Variants in MCPH1 observed in about 807,000 individuals in gnomAD.
MCPH1 encodes microcephalin.
A neutral mutation model predicts 84.5 loss-of-function variants in MCPH1; 104 were observed. That is an observed-to-expected ratio of 1.23 (90% CI 1.05 to 1.45). MCPH1 has a LOEUF of 1.45. Among genes scored for constraint, MCPH1 ranks in the 40% most tolerant of loss-of-function variants. The pLI, the probability that MCPH1 is intolerant of heterozygous loss-of-function variation, is 0.00. For missense variants in MCPH1, 1,498 were observed against 1,005.7 expected, an observed-to-expected ratio of 1.49 and a Z score of -6.62; for synonymous variants, 514 against 366.8, an observed-to-expected ratio of 1.40 and a Z score of -4.58.
chr8:6,478,321 A>G (rs1018067656), intron 10 of MCPH1, among the ~76,000 whole-genome samples: 8 of 152,018 alleles, frequency 5.3e-5, no homozygotes, highest in Non-Finnish European at 1.5e-5. Flanking sequence ...ATCAAACACC[A>G]TACATTATAT....
At chr8:6,523,355 G>A (rs1283333074) in intron 12 of MCPH1, among the ~76,000 whole-genome samples, 1 of 152,082 alleles carries the variant, frequency 6.6e-6, no homozygotes, top group Non-Finnish European at 1.5e-5. Flanking sequence ...TAAGTCCTAA[G>A]ATACTTTATT....
At chr8:6,525,906 A>G (rs903199497) in intron 12 of MCPH1, among the ~76,000 whole-genome samples, 2 of 152,230 alleles carry the variant, frequency 1.3e-5, no homozygotes, top group Non-Finnish European at 2.9e-5. Flanking sequence ...GGGGAACATA[A>G]TTGACCCAAA....
At chr8:6,428,943 C>T (rs562011917) in intron 3 of MCPH1, among the ~76,000 whole-genome samples, 219 of 152,278 alleles carry the variant, frequency 1.4e-3, no homozygotes, top group African/African-American at 4.9e-3. Context: ...ATTGCTGTTT[C>T]GGTTTTTCAG....
chr8:6,435,800 G>A (rs984726297), intron 4 of MCPH1, among the ~76,000 whole-genome samples: 12 of 152,112 alleles, frequency 7.9e-5, no homozygotes, highest in Non-Finnish European at 1.6e-4. Flanking sequence ...AAGAATGCTA[G>A]GATCATGAAA....
intron 2 of MCPH1, 120 bp downstream of exon 2, chr8:6,409,490 G>T (rs969134800): frequency 5.0e-6 from 4 of 793,278 alleles, no homozygotes; most frequent in South Asian, 2.9e-5. Context: ...ATGGGTAAGC[G>T]GTGGGAGAAA....
At chr8:6,421,611 C>A (rs1183928109) in intron 3 of MCPH1, among the ~76,000 whole-genome samples, 1 of 152,058 alleles carries the variant, frequency 6.6e-6, no homozygotes, top group Non-Finnish European at 1.5e-5. Context: ...ATTTTAGTAT[C>A]CATAAATACC....
At chr8:6,611,098 A>G (rs895627661) in intron 12 of MCPH1, among the ~76,000 whole-genome samples, 2 of 147,810 alleles carry the variant, frequency 1.4e-5, no homozygotes, top group Non-Finnish European at 3.0e-5. Context: ...TGCTACACAC[A>G]CACATACACA....
At position 6,444,810 on chromosome 8, in the gene MCPH1, C is replaced by G. The variant is rs371315221; in HGVS notation, c.1088C>G (p.Ser363Cys). 1.4e-5 allele frequency: 23 copies of G among 1,613,970 alleles called. No homozygotes were observed. The highest frequency in any genetic ancestry group is 5.0e-5 in the Admixed American group (3 of 59,990). The change falls in exon 8 of 14, where the codon TCC becomes TGC. Residue 363 changes from serine to cysteine, a missense_variant. By Grantham distance (112) the Ser-to-Cys change is moderately radical (BLOSUM62 -1). Coordinates refer to ENST00000344683, the MANE Select transcript of MCPH1 (RefSeq NM_024596.5). ...AAGAGAAAAAGAGTATCACATGGCT[C>G]CCATTCACCTCCGAAGGAAAAATGC... ...SVKRKRVSHG[S>C]HSPPKEKCKR...
At chr8:6,454,775 C>G (rs1403362510) in intron 8 of MCPH1, among the ~76,000 whole-genome samples, 1 of 152,102 alleles carries the variant, frequency 6.6e-6, no homozygotes, top group Non-Finnish European at 1.5e-5. Flanking sequence ...TAATTATTGC[C>G]TCTAATATGG....
chr8:6,585,632 C>T (rs976399752), intron 12 of MCPH1, among the ~76,000 whole-genome samples: 1 of 152,244 alleles, frequency 6.6e-6, no homozygotes, highest in African/African-American at 2.4e-5. Context: ...TCAGGCATCA[C>T]TTTCACCTTA....
At chr8:6,561,667 TAAC>T (rs772845572) in intron 12 of MCPH1, among the ~76,000 whole-genome samples, 6 of 152,268 alleles carry the variant, frequency 3.9e-5, no homozygotes, top group Non-Finnish European at 8.8e-5. Context: ...TCATGCTACT[TAAC>T]AATTAATTTA....
At chr8:6,572,813 C>G (rs751929429) in intron 12 of MCPH1, among the ~76,000 whole-genome samples, 2 of 152,230 alleles carry the variant, frequency 1.3e-5, no homozygotes, top group Non-Finnish European at 2.9e-5. Context: ...TGCACAAGCA[C>G]TGCTGCCTAA....
At chr8:6,561,457 C>T (rs961943339) in intron 12 of MCPH1, among the ~76,000 whole-genome samples, 1 of 152,132 alleles carries the variant, frequency 6.6e-6, no homozygotes, top group African/African-American at 2.4e-5. Flanking sequence ...TGAGGAGCAC[C>T]GATTAGGCTC....
At chr8:6,626,592 TA>T in intron 13 of MCPH1, 1 of 985,188 alleles carries the variant, frequency 1.0e-6, no homozygotes, top group African/African-American at 1.7e-5. Context: ...ATGTTACCTT[TA>T]CCTGATATTG....
At position 6,644,737 on chromosome 8, in the gene MCPH1, T is replaced by C. The variant is rs1340928458; in HGVS notation, c.*1688T>C. Reference sequence around the variant, plus strand: ...GTGGTGCCGTTCCCGCTCTGGGTTATTTATCTGTTGCTCATCTCAGCTGTT... The same window carrying C: ...GTGGTGCCGTTCCCGCTCTGGGTTACTTATCTGTTGCTCATCTCAGCTGTT... On this transcript the variant is annotated 3_prime_UTR_variant, in exon 14 of 14. Transcript: ENST00000344683. The C allele has an allele frequency of 6.6e-6, 1 of 152,240 alleles. No homozygotes were observed. The highest frequency in any genetic ancestry group is 1.5e-5 in the Non-Finnish European group (1 of 68,038). The allele number at this position is 152,240 out of a possible 1,614,324, so 9.4% of individuals were successfully genotyped here. A position where few individuals can be genotyped will look rare whatever the true frequency, so the allele number is the denominator to read the frequency against.
chr8:6,451,977 G>A (rs975260691), intron 8 of MCPH1, among the ~76,000 whole-genome samples: 5 of 152,222 alleles, frequency 3.3e-5, no homozygotes, highest in African/African-American at 1.2e-4. Flanking sequence ...TATCTTGGAA[G>A]TAGGAAAGTA....
At chr8:6,434,486 C>T (rs17076853) in intron 4 of MCPH1, among the ~76,000 whole-genome samples, 5,071 of 152,210 alleles carry the variant, frequency 0.033, 238 homozygotes, top group African/African-American at 0.11. Context: ...CAGTGCAGGC[C>T]GGTTCCAAGC....
chr8:6,514,043 G>A (rs982907490), intron 12 of MCPH1, among the ~76,000 whole-genome samples: 1 of 152,146 alleles, frequency 6.6e-6, no homozygotes, highest in African/African-American at 2.4e-5. Flanking sequence ...GCTGCTGGAA[G>A]AAAACTTGTA....
chr8:6,520,550 C>T (rs536719847), intron 12 of MCPH1, among the ~76,000 whole-genome samples: 2 of 152,112 alleles, frequency 1.3e-5, no homozygotes, highest in Non-Finnish European at 2.9e-5. Context: ...TGCCCACCAC[C>T]AAGCCCAGCT....
Sources: allele counts gnomAD v4.1 joint callset (sites outside exome capture counted in the v4.1 genomes callset), GRCh38; gene constraint gnomAD v4.1.1; transcripts MANE v1.5; gene names NCBI Gene and HGNC (gene_info 2026-07-23, HGNC 2026-07-21).